CACNA1C: variants seen among roughly 807,000 people sequenced by gnomAD.
CACNA1C encodes the protein calcium voltage-gated channel subunit alpha1 C.
Under a neutral mutation model 229.0 loss-of-function variants are expected in CACNA1C, and 30 were observed. That is an observed-to-expected ratio of 0.13 (90% CI 0.10 to 0.18). The LOEUF is 0.18. CACNA1C is among the 10% of genes least tolerant of loss of function. The pLI is 1.00. For missense variants in CACNA1C, 1,658 were observed against 2,845.0 expected (o/e 0.58, Z 9.49); for synonymous variants, 1,114 against 1,132.5 (o/e 0.98, Z 0.33).
At chr12:2,517,239 G>A (rs924260470) in intron 9 of CACNA1C, among the ~76,000 whole-genome samples, 33 of 152,326 alleles carry the variant, frequency 2.2e-4, no homozygotes, top group African/African-American at 7.7e-4. Flanking sequence ...GGCATGGAGC[G>A]TTGCTCTGCA....
intron 3 of CACNA1C, among the ~76,000 whole-genome samples, chr12:2,279,597 G>A (rs1373460942): frequency 2.0e-5 from 3 of 152,132 alleles, no homozygotes; most frequent in South Asian, 2.1e-4. Context: ...TAGCCTTTGC[G>A]CTGAAATTTA....
chr12:2,169,529 C>A (rs1459500843), intron 3 of CACNA1C, among the ~76,000 whole-genome samples: 1 of 152,196 alleles, frequency 6.6e-6, no homozygotes, highest in East Asian at 1.9e-4. Context: ...GCAAACCAAG[C>A]TTGTAGACAT....
intron 1 of CACNA1C, among the ~76,000 whole-genome samples, chr12:2,105,661 G>GGTGT (rs2078049650): frequency 2.8e-5 from 3 of 106,672 alleles, no homozygotes; most frequent in African/African-American, 1.1e-4. Flanking sequence ...CCTCAGCTGG[G>GGTGT]CATCCTGAAG....
In CACNA1C at chr12:2,407,047, G is replaced by T. The variant is rs925439023; in HGVS notation, c.478-41929G>T. On this transcript the variant is annotated intron_variant, in intron 3 of 46. Coordinates refer to ENST00000399655, the MANE Select transcript of CACNA1C (RefSeq NM_000719.7). The stretch of plus-strand genomic sequence containing the variant: ...CCTCATTACTGCTGGCGTGGCTCAG[G>T]CTCACTGCCAGACCTCTGCTGATAC... Among the ~76,000 whole-genome samples the T allele has an allele frequency of 9.2e-5, 14 of 152,248 alleles. 1 individual carries two copies. The highest frequency in any genetic ancestry group is 9.2e-4 in the Admixed American group (14 of 15,286).
intron 3 of CACNA1C, among the ~76,000 whole-genome samples, chr12:2,292,883 A>G (rs750295745): frequency 6.6e-5 from 10 of 150,960 alleles, no homozygotes; most frequent in Non-Finnish European, 1.3e-4. Context: ...GGGAGCCTGC[A>G]TGCCTGGTTA....
chr12:2,610,453 C>A, intron 27 of CACNA1C, 88 bp from the exon 28 acceptor site: 1 of 1,339,454 alleles, frequency 7.5e-7, no homozygotes, highest in Non-Finnish European at 1.0e-6. Flanking sequence ...AGTGTGTGGT[C>A]TCATCACATC....
chr12:2,187,216 CAGAG>C (rs1199331195), intron 3 of CACNA1C, among the ~76,000 whole-genome samples: 1 of 152,142 alleles, frequency 6.6e-6, no homozygotes, highest in Non-Finnish European at 1.5e-5. Flanking sequence ...AAACTGAGGT[CAGAG>C]AGGTTAAATG....
chr12:1,977,554 C>T (rs572393226), intron 1 of CACNA1C, among the ~76,000 whole-genome samples: 2 of 152,182 alleles, frequency 1.3e-5, no homozygotes, highest in African/African-American at 2.4e-5. Flanking sequence ...CTGTACATGT[C>T]TATTTCTTAT....
At chr12:2,164,422 C>T (rs2096097924) in intron 3 of CACNA1C, among the ~76,000 whole-genome samples, 1 of 152,202 alleles carries the variant, frequency 6.6e-6, no homozygotes, top group Non-Finnish European at 1.5e-5. Flanking sequence ...CAGTCCATAT[C>T]TGTAAAATGA....
At chr12:2,253,015 G>A (rs1010606678) in intron 3 of CACNA1C, among the ~76,000 whole-genome samples, 1 of 152,196 alleles carries the variant, frequency 6.6e-6, no homozygotes, top group Non-Finnish European at 1.5e-5. Flanking sequence ...TTCCCGGAAG[G>A]GAAGGTATGG....
At chr12:2,172,035 G>A (rs1454723853) in intron 3 of CACNA1C, among the ~76,000 whole-genome samples, 1 of 152,200 alleles carries the variant, frequency 6.6e-6, no homozygotes, top group Admixed American at 6.5e-5. Context: ...TGAATGCAGG[G>A]TTGTTCCTGC....
intron 9 of CACNA1C, among the ~76,000 whole-genome samples, chr12:2,533,544 C>T (rs1990239): frequency 0.33 from 50,822 of 152,116 alleles, 9,434 homozygotes; most frequent in African/African-American, 0.5. Context: ...AGTCCCCAGC[C>T]ATGTTCCCTC....
At chr12:2,283,380 G>A (rs1033052203) in intron 3 of CACNA1C, among the ~76,000 whole-genome samples, 1 of 152,218 alleles carries the variant, frequency 6.6e-6, no homozygotes, top group Non-Finnish European at 1.5e-5. Flanking sequence ...TGAAAATGCA[G>A]GGTATGGAAG....
chr12:2,442,389 C>A (rs539219346), intron 3 of CACNA1C, among the ~76,000 whole-genome samples: 1 of 151,648 alleles, frequency 6.6e-6, no homozygotes, highest in African/African-American at 2.4e-5. Context: ...AAGAAATGAA[C>A]AGGGAGAGAA....
intron 3 of CACNA1C, among the ~76,000 whole-genome samples, chr12:2,276,977 C>T (rs1262381445): frequency 6.6e-6 from 1 of 152,088 alleles, no homozygotes; most frequent in African/African-American, 2.4e-5. Flanking sequence ...AATCCCAGCG[C>T]CTCTGCCACG....
At chr12:1,980,505 AAT>A (rs745839560) in intron 1 of CACNA1C, among the ~76,000 whole-genome samples, 3 of 151,894 alleles carry the variant, frequency 2.0e-5, no homozygotes, top group African/African-American at 4.8e-5. Context: ...ACATGTTCTC[AAT>A]ATGTTTTCCC....
chr12:2,045,527 G>T (rs908123816), intron 1 of CACNA1C, among the ~76,000 whole-genome samples: 1 of 152,200 alleles, frequency 6.6e-6, no homozygotes, highest in Non-Finnish European at 1.5e-5. Context: ...TGAAAGGATT[G>T]TTTAAGTGTA....
chr12:2,380,831 G>A (rs2098222201), intron 3 of CACNA1C, among the ~76,000 whole-genome samples: 1 of 152,224 alleles, frequency 6.6e-6, no homozygotes, highest in South Asian at 2.1e-4. Flanking sequence ...CTGCTTGGGA[G>A]TGGGTGGGGG....
intron 3 of CACNA1C, among the ~76,000 whole-genome samples, chr12:2,186,073 G>A (rs540735121): frequency 6.6e-6 from 1 of 152,246 alleles, no homozygotes; most frequent in East Asian, 1.9e-4. Flanking sequence ...GGCCAGACTC[G>A]CCTCAGCAGC....
Sources: allele counts gnomAD v4.1 joint callset (sites outside exome capture counted in the v4.1 genomes callset), GRCh38; gene constraint gnomAD v4.1.1; transcripts MANE v1.5; gene names NCBI Gene and HGNC (gene_info 2026-07-23, HGNC 2026-07-21).